The following NCKAP5 variants were observed in gnomAD, a reference collection of about 807,000 sequenced individuals.
NCKAP5 encodes the protein NCK associated protein 5, also known as nck-associated protein 5.
Under a neutral mutation model 167.0 loss-of-function variants are expected in NCKAP5, and 92 were observed. That is an observed-to-expected ratio of 0.55 (90% confidence interval 0.47 to 0.66). The LOEUF is 0.66. Among genes scored for constraint, NCKAP5 ranks in the 30% least tolerant of loss-of-function variants. The probability of loss-of-function intolerance (pLI) is 0.00; values close to 1 mark genes in which losing one functional copy is unlikely to be tolerated. For synonymous variants in NCKAP5, 891 were observed against 877.4 expected, an observed-to-expected ratio of 1.02 and a Z score of -0.27; for missense variants, 2,378 against 2,315.0, an observed-to-expected ratio of 1.03 and a Z score of -0.56.
At chr2:133,404,917 A>G (rs1688327946) in intron 3 of NCKAP5, among the ~76,000 whole-genome samples, 1 of 152,228 alleles carries the variant, frequency 6.6e-6, no homozygotes. Context: ...TTAAATGAAT[A>G]GTTAGATGTG....
intron 8 of NCKAP5, among the ~76,000 whole-genome samples, chr2:132,962,829 G>C (rs2076557503): frequency 6.6e-6 from 1 of 152,128 alleles, no homozygotes; most frequent in Non-Finnish European, 1.5e-5. Context: ...CTGACCTCGT[G>C]ATCCGCCTGC....
intron 8 of NCKAP5, among the ~76,000 whole-genome samples, chr2:132,899,082 G>C (rs749570731): frequency 6.6e-6 from 1 of 152,150 alleles, no homozygotes; most frequent in Non-Finnish European, 1.5e-5. Flanking sequence ...CAAAAAATCT[G>C]TTGTTTAGTG....
intron 3 of NCKAP5, among the ~76,000 whole-genome samples, chr2:133,498,398 T>G (rs1261005864): frequency 3.3e-5 from 4 of 120,840 alleles, no homozygotes; most frequent in South Asian, 5.2e-4. Flanking sequence ...AAAGAAAGGA[T>G]GAAAAGGGAG....
chr2:133,375,437 A>G (rs1175212334), intron 3 of NCKAP5, among the ~76,000 whole-genome samples: 1 of 152,190 alleles, frequency 6.6e-6, no homozygotes, highest in East Asian at 1.9e-4. Flanking sequence ...TATTTTTTTA[A>G]ACTTTTATTT....
intron 6 of NCKAP5, 55 bp downstream of exon 6, chr2:133,129,923 C>T: frequency 1.3e-6 from 2 of 1,502,198 alleles, no homozygotes; most frequent in Non-Finnish European, 1.8e-6. Context: ...CAAGGTGTTA[C>T]TGGTGCAGAG....
intron 7 of NCKAP5, among the ~76,000 whole-genome samples, chr2:132,993,300 A>T (rs1321179796): frequency 6.6e-6 from 1 of 152,184 alleles, no homozygotes; most frequent in East Asian, 1.9e-4. Flanking sequence ...TTATCTATAT[A>T]CAGTGTCTGT....
intron 3 of NCKAP5, among the ~76,000 whole-genome samples, chr2:133,439,396 A>G (rs545567154): frequency 1.3e-5 from 2 of 152,352 alleles, no homozygotes; most frequent in East Asian, 3.9e-4. Flanking sequence ...AATAAGATTA[A>G]CAAAGCTTGA....
intron 7 of NCKAP5, among the ~76,000 whole-genome samples, chr2:132,972,707 A>G (rs912879607): frequency 6.6e-6 from 1 of 152,068 alleles, no homozygotes; most frequent in African/African-American, 2.4e-5. Flanking sequence ...TAAAAAAAAT[A>G]CAAAAATTAG....
At chr2:132,993,057 C>T (rs1308584795) in intron 7 of NCKAP5, among the ~76,000 whole-genome samples, 2 of 152,168 alleles carry the variant, frequency 1.3e-5, no homozygotes, top group African/African-American at 4.8e-5. Flanking sequence ...AGTTGGGTTG[C>T]AGAGCCCACA....
At chr2:133,222,539 T>C (rs1422915756) in intron 4 of NCKAP5, among the ~76,000 whole-genome samples, 1 of 152,228 alleles carries the variant, frequency 6.6e-6, no homozygotes, top group East Asian at 1.9e-4. Flanking sequence ...AGTATTCTTA[T>C]AAAATTCTAA....
intron 14 of NCKAP5, among the ~76,000 whole-genome samples, chr2:132,781,718 T>C (rs1193010899): frequency 3.9e-5 from 6 of 152,200 alleles, no homozygotes; most frequent in Admixed American, 1.3e-4. Context: ...TCAAAGGCCA[T>C]TGGTTTGGTT....
At chr2:133,411,318 C>T (rs1187189337) in intron 3 of NCKAP5, among the ~76,000 whole-genome samples, 1 of 151,992 alleles carries the variant, frequency 6.6e-6, no homozygotes, top group Non-Finnish European at 1.5e-5. Flanking sequence ...CTGGTGTGGG[C>T]GTTGGTAAAC....
intron 5 of NCKAP5, among the ~76,000 whole-genome samples, chr2:133,200,267 CAGAT>C (rs1448262261): frequency 1.3e-5 from 2 of 151,852 alleles, no homozygotes; most frequent in African/African-American, 4.8e-5. Flanking sequence ...TACTGGCACA[CAGAT>C]AGACTAATAG....
At chr2:133,553,265 G>A (rs552569876) in intron 2 of NCKAP5, among the ~76,000 whole-genome samples, 6 of 152,322 alleles carry the variant, frequency 3.9e-5, no homozygotes, top group East Asian at 3.9e-4. Flanking sequence ...CGCACTGGGC[G>A]CTCTATGCAG....
At chr2:133,097,518 C>T (rs1160109458) in intron 6 of NCKAP5, among the ~76,000 whole-genome samples, 5 of 152,168 alleles carry the variant, frequency 3.3e-5, no homozygotes, top group Admixed American at 6.5e-5. Flanking sequence ...AAACTGTAAG[C>T]TCCTAAGACA....
chr2:133,357,196 C>T (rs749732985), intron 3 of NCKAP5, among the ~76,000 whole-genome samples: 17 of 151,566 alleles, frequency 1.1e-4, no homozygotes, highest in South Asian at 2.1e-4. Flanking sequence ...CATGCTTGCC[C>T]GACCCTAAAT....
At chr2:133,333,063 C>T (rs531429345) in intron 3 of NCKAP5, among the ~76,000 whole-genome samples, 3 of 152,214 alleles carry the variant, frequency 2.0e-5, no homozygotes, top group East Asian at 1.9e-4. Flanking sequence ...GAATCTAAAA[C>T]GTGCCCTTGT....
intron 6 of NCKAP5, among the ~76,000 whole-genome samples, chr2:133,033,500 A>T (rs2078946812): frequency 6.6e-6 from 1 of 152,202 alleles, no homozygotes; most frequent in Non-Finnish European, 1.5e-5. Flanking sequence ...GCATGACCTC[A>T]CCAAATGAAA....
At chr2:133,302,637 C>T (rs1326535541) in intron 4 of NCKAP5, among the ~76,000 whole-genome samples, 3 of 100,066 alleles carry the variant, frequency 3.0e-5, no homozygotes, top group Non-Finnish European at 6.1e-5. Context: ...GTGGTGGGGT[C>T]GGGGGAGGGG....
Sources: allele counts gnomAD v4.1 joint callset (sites outside exome capture counted in the v4.1 genomes callset), GRCh38; gene constraint gnomAD v4.1.1; transcripts MANE v1.5; gene names NCBI Gene and HGNC (gene_info 2026-07-23, HGNC 2026-07-21).